Variants in BRINP1 observed in about 807,000 individuals in gnomAD.
BRINP1 encodes the protein BMP/retinoic acid-inducible neural-specific protein 1.
BRINP1 carries 17 observed loss-of-function variants against 72.9 expected under a neutral mutation model. That is an observed-to-expected ratio of 0.23 (90% CI 0.16 to 0.35). The LOEUF (loss-of-function observed/expected upper bound fraction) is 0.35. Ranked by LOEUF, BRINP1 falls within the 10% of genes least tolerant of loss-of-function variation. The probability of loss-of-function intolerance (pLI) is 1.00; values close to 1 mark genes in which losing one functional copy is unlikely to be tolerated. For synonymous variants in BRINP1, 418 were observed against 378.5 expected, an observed-to-expected ratio of 1.10 and a Z score of -1.21; for missense variants, 850 against 1,001.6, an observed-to-expected ratio of 0.85 and a Z score of 2.04.
intron 2 of BRINP1, among the ~76,000 whole-genome samples, chr9:119,299,569 C>T (rs1481940266): frequency 6.7e-6 from 1 of 149,120 alleles, no homozygotes; most frequent in Admixed American, 6.8e-5. Context: ...GCCGAGACTG[C>T]ACCATTGCAC....
chr9:119,297,995 T>G (rs772060402), intron 2 of BRINP1, among the ~76,000 whole-genome samples: 6 of 152,232 alleles, frequency 3.9e-5, no homozygotes, highest in Non-Finnish European at 7.3e-5. Flanking sequence ...CTCATTATAT[T>G]GAAGCACAAG....
intron 1 of BRINP1, among the ~76,000 whole-genome samples, chr9:119,316,188 G>A (rs922632568): frequency 6.6e-6 from 1 of 152,196 alleles, no homozygotes; most frequent in Non-Finnish European, 1.5e-5. Context: ...CCGGGTTCAA[G>A]CAATTCTTAT....
chr9:119,208,119 A>C (rs1191117609), intron 7 of BRINP1, among the ~76,000 whole-genome samples: 1 of 152,180 alleles, frequency 6.6e-6, no homozygotes, highest in African/African-American at 2.4e-5. Flanking sequence ...CATCTAGCAG[A>C]ATACCCGGTA....
rs372122357 is a variant in BRINP1 at position 119,331,663 on chromosome 9, C to A, written c.-50-18258G>T. 2.7e-4 allele frequency among the ~76,000 whole-genome samples: 41 copies of A among 152,152 alleles called. 1 individual carries two copies. Among genetic ancestry groups the A allele is most frequent in the Admixed American group, 1.2e-3 (18 of 15,268 alleles). ...CTCTTCCTAGCTTTTTCTAGACCTCCATTGATTACACAGCTGCCATTCTGC... is the reference window on the plus strand; with the variant it reads ...CTCTTCCTAGCTTTTTCTAGACCTCAATTGATTACACAGCTGCCATTCTGC... On this transcript the variant is annotated intron_variant, in intron 1 of 7. Transcript: ENST00000265922.
intron 2 of BRINP1, 84 bp downstream of exon 2, chr9:119,313,054 A>C: frequency 6.8e-6 from 10 of 1,465,552 alleles, no homozygotes; most frequent in Non-Finnish European, 9.2e-6. Context: ...ACTTCTGCAC[A>C]CAGCAAGGTT....
chr9:119,263,899 C>T (rs917481609), intron 2 of BRINP1, among the ~76,000 whole-genome samples: 10 of 152,106 alleles, frequency 6.6e-5, no homozygotes, highest in South Asian at 2.1e-4. Flanking sequence ...TGAGCCACAG[C>T]GCCCGGCCAA....
At chr9:119,274,214 T>C (rs1264531492) in intron 2 of BRINP1, among the ~76,000 whole-genome samples, 2 of 152,164 alleles carry the variant, frequency 1.3e-5, no homozygotes, top group Non-Finnish European at 2.9e-5. Flanking sequence ...GCTCTCTAAA[T>C]GGCAGTTGTT....
chr9:119,352,568 C>T (rs1238882949), intron 1 of BRINP1, among the ~76,000 whole-genome samples: 1 of 152,080 alleles, frequency 6.6e-6, no homozygotes, highest in South Asian at 2.1e-4. Flanking sequence ...CCACCACACC[C>T]AGCTGATTTT....
chr9:119,337,907 C>T (rs2119019000), intron 1 of BRINP1, among the ~76,000 whole-genome samples: 1 of 152,338 alleles, frequency 6.6e-6, no homozygotes, highest in East Asian at 1.9e-4. Context: ...CAGAGTACTA[C>T]AGTCAGAAGA....
chr9:119,330,016 T>A (rs1389306350), intron 1 of BRINP1, among the ~76,000 whole-genome samples: 2 of 152,206 alleles, frequency 1.3e-5, no homozygotes, highest in African/African-American at 4.8e-5. Flanking sequence ...TTATACTTTC[T>A]CATAATTCTT....
At chr9:119,200,850 G>GA (rs899763132) in intron 7 of BRINP1, among the ~76,000 whole-genome samples, 1 of 151,286 alleles carries the variant, frequency 6.6e-6, no homozygotes, top group Non-Finnish European at 1.5e-5. Flanking sequence ...AAGAACAAAA[G>GA]AAAAAAAAGG....
chr9:119,230,881 T>C (rs1302210148), intron 5 of BRINP1, among the ~76,000 whole-genome samples: 3 of 151,934 alleles, frequency 2.0e-5, no homozygotes, highest in Non-Finnish European at 4.4e-5. Flanking sequence ...TTAGTGGTCT[T>C]TGACCCCATC....
chr9:119,183,865 C>G (rs2118841307), intron 7 of BRINP1, among the ~76,000 whole-genome samples: 1 of 152,224 alleles, frequency 6.6e-6, no homozygotes, highest in South Asian at 2.1e-4. Context: ...CTGATGGTCA[C>G]TAGTGACTTG....
intron 1 of BRINP1, among the ~76,000 whole-genome samples, chr9:119,339,546 T>G (rs796678813): frequency 6.6e-6 from 1 of 152,250 alleles, no homozygotes; most frequent in Admixed American, 6.5e-5. Flanking sequence ...TTGGAATGAA[T>G]GCATGAATAT....
At chr9:119,304,905 A>G (rs1232760284) in intron 2 of BRINP1, among the ~76,000 whole-genome samples, 2 of 152,170 alleles carry the variant, frequency 1.3e-5, no homozygotes, top group African/African-American at 4.8e-5. Flanking sequence ...CTGCTGCCCA[A>G]GCAATTCTAA....
chr9:119,197,635 TC>T (rs1402385776), intron 7 of BRINP1, among the ~76,000 whole-genome samples: 1 of 152,122 alleles, frequency 6.6e-6, no homozygotes, highest in East Asian at 1.9e-4. Flanking sequence ...AAATGACTCT[TC>T]CTCCCATCAG....
chr9:119,242,084 C>T lies in BRINP1; in HGVS notation c.542G>A (p.Arg181Lys). The T allele has an allele frequency of 6.2e-7, 1 of 1,614,114 alleles. No individual in the cohort carries two copies. The highest frequency in any genetic ancestry group is 8.5e-7 in the Non-Finnish European group (1 of 1,180,022). The change falls in exon 4 of 8, where the codon AGG becomes AAG. Residue 181 changes from arginine to lysine, a missense_variant. Coordinates refer to ENST00000265922, the MANE Select transcript of BRINP1 (RefSeq NM_014618.3). ...YFVDRDGTMR[R>K]LHEIQISTGA... ...AGTTGATATCTGGATCTCATGAAGC[C>T]TCCTCATGGTACCATCACGGTCAAC... is the stretch of plus-strand genomic sequence containing the variant.
intron 3 of BRINP1, among the ~76,000 whole-genome samples, chr9:119,247,636 C>T (rs546044156): frequency 1.9e-3 from 223 of 118,046 alleles, no homozygotes; most frequent in South Asian, 3.3e-3. Flanking sequence ...CCATCCTAGG[C>T]GACAGAGCGA....
At chr9:119,335,993 G>T (rs1258936340) in intron 1 of BRINP1, among the ~76,000 whole-genome samples, 4 of 152,178 alleles carry the variant, frequency 2.6e-5, no homozygotes, top group Non-Finnish European at 5.9e-5. Flanking sequence ...AGACTTGCTT[G>T]ATGTCCAGGG....
Sources: gnomAD v4.1 joint callset for allele counts (sites outside exome capture counted in the v4.1 genomes callset) on GRCh38, gnomAD v4.1.1 for gene constraint, MANE v1.5 for transcripts, NCBI Gene and HGNC (gene_info 2026-07-23, HGNC 2026-07-21) for gene names.